Variants in FAF1 observed in about 807,000 individuals in gnomAD.
The protein encoded by FAF1 is FAS-associated factor 1.
FAF1 carries 25 observed loss-of-function variants against 92.5 expected under a neutral mutation model. That is an observed-to-expected ratio of 0.27 (90% CI 0.20 to 0.38). The LOEUF is 0.38. FAF1 is among the 10% of genes least tolerant of loss of function. The probability of loss-of-function intolerance (pLI) is 1.00; values close to 1 mark genes in which losing one functional copy is unlikely to be tolerated. For synonymous variants in FAF1, 234 were observed against 273.2 expected (o/e 0.86, Z 1.42); for missense variants, 636 against 793.3 (o/e 0.80, Z 2.38).
At chr1:50,728,470 G>C (rs1314421406) in intron 6 of FAF1, among the ~76,000 whole-genome samples, 1 of 152,086 alleles carries the variant, frequency 6.6e-6, no homozygotes, top group African/African-American at 2.4e-5. Context: ...TAAGGAACTT[G>C]GATTTTTATT....
chr1:50,916,974 G>GA (rs1279615463), intron 1 of FAF1, among the ~76,000 whole-genome samples: 1 of 152,132 alleles, frequency 6.6e-6, no homozygotes, highest in African/African-American at 2.4e-5. Context: ...GGCAATGAGA[G>GA]AAAGTTTCTG....
At chr1:50,584,596 A>T in intron 10 of FAF1, 89 bp downstream of exon 10, 1 of 1,281,408 alleles carries the variant, frequency 7.8e-7, no homozygotes, top group Non-Finnish European at 1.1e-6. Context: ...GGAGGTCAGT[A>T]AGAGATGTTT....
At chr1:50,652,732 C>T (rs1472704301) in intron 8 of FAF1, among the ~76,000 whole-genome samples, 1 of 152,196 alleles carries the variant, frequency 6.6e-6, no homozygotes, top group Non-Finnish European at 1.5e-5. Flanking sequence ...ACTCACTCTG[C>T]CACACATAGG....
At chr1:50,745,386 C>A (rs1409017961) in intron 4 of FAF1, among the ~76,000 whole-genome samples, 1 of 151,994 alleles carries the variant, frequency 6.6e-6, no homozygotes, top group Non-Finnish European at 1.5e-5. Context: ...AAGAGAAGAG[C>A]AACAAGAATT....
At chr1:50,951,095 G>T (rs1295919790) in intron 1 of FAF1, among the ~76,000 whole-genome samples, 1 of 152,216 alleles carries the variant, frequency 6.6e-6, no homozygotes, top group East Asian at 1.9e-4. Context: ...TTAGCTGGAT[G>T]TGGTGGCACA....
intron 9 of FAF1, among the ~76,000 whole-genome samples, chr1:50,595,142 C>A (rs1211505345): frequency 6.6e-6 from 1 of 151,904 alleles, no homozygotes; most frequent in East Asian, 2.0e-4. Flanking sequence ...ACAACCTCCA[C>A]CTCTTGGGTT....
chr1:50,873,706 G>C (rs1390558133), intron 1 of FAF1, among the ~76,000 whole-genome samples: 1 of 152,196 alleles, frequency 6.6e-6, no homozygotes, highest in Non-Finnish European at 1.5e-5. Context: ...GTAATTAAAA[G>C]TGGGTGTAAA....
At chr1:50,550,035 A>G (rs1649229982) in intron 13 of FAF1, among the ~76,000 whole-genome samples, 1 of 152,064 alleles carries the variant, frequency 6.6e-6, no homozygotes, top group Non-Finnish European at 1.5e-5. Context: ...GAAAACAACT[A>G]TCACCCTAAT....
chr1:50,514,066 G>A (rs879666230), intron 15 of FAF1, among the ~76,000 whole-genome samples: 6 of 152,172 alleles, frequency 3.9e-5, no homozygotes, highest in Non-Finnish European at 5.9e-5. Flanking sequence ...TGAATGAATT[G>A]TATGGGAAAA....
intron 4 of FAF1, among the ~76,000 whole-genome samples, chr1:50,779,993 C>G (rs1661110002): frequency 1.3e-5 from 1 of 78,132 alleles, no homozygotes; most frequent in South Asian, 3.5e-4. Flanking sequence ...GACAGACAGA[C>G]ACACACACAC....
At chr1:50,811,818 T>C (rs989805073) in intron 2 of FAF1, among the ~76,000 whole-genome samples, 3 of 152,142 alleles carry the variant, frequency 2.0e-5, no homozygotes, top group African/African-American at 7.2e-5. Context: ...CTTCAAACTA[T>C]ACCATAAAGC....
intron 4 of FAF1, among the ~76,000 whole-genome samples, chr1:50,770,474 A>C (rs1660739788): frequency 6.6e-6 from 1 of 152,230 alleles, no homozygotes; most frequent in African/African-American, 2.4e-5. Flanking sequence ...GTCCAAGCTG[A>C]GAGTCAATTC....
intron 8 of FAF1, among the ~76,000 whole-genome samples, chr1:50,622,932 A>C (rs956919190): frequency 3.3e-5 from 5 of 152,116 alleles, no homozygotes; most frequent in Admixed American, 1.3e-4. Context: ...TTATTCCTCA[A>C]ATCTTCCTCT....
At chr1:50,931,116 A>G (rs1371894863) in intron 1 of FAF1, among the ~76,000 whole-genome samples, 1 of 152,112 alleles carries the variant, frequency 6.6e-6, no homozygotes, top group Non-Finnish European at 1.5e-5. Context: ...ATCCAACCTG[A>G]TGGTCTCTAC....
chr1:50,562,428 G>A (rs982564950), intron 13 of FAF1, among the ~76,000 whole-genome samples: 1 of 151,988 alleles, frequency 6.6e-6, no homozygotes, highest in African/African-American at 2.4e-5. Context: ...CTGACCCTTT[G>A]TTCCCCATAC....
intron 5 of FAF1, among the ~76,000 whole-genome samples, chr1:50,739,534 T>C (rs1048932333): frequency 2.0e-5 from 3 of 152,136 alleles, no homozygotes; most frequent in African/African-American, 7.2e-5. Context: ...CACAAACAGA[T>C]AAGAACACAG....
At chr1:50,652,789 C>T (rs751062469) in intron 8 of FAF1, among the ~76,000 whole-genome samples, 2 of 152,168 alleles carry the variant, frequency 1.3e-5, no homozygotes, top group Non-Finnish European at 1.5e-5. Flanking sequence ...TTTAAACCAG[C>T]CAATTCTTGC....
chr1:50,850,777 T>C (rs1045495172), intron 2 of FAF1, among the ~76,000 whole-genome samples: 2 of 152,088 alleles, frequency 1.3e-5, no homozygotes, highest in African/African-American at 4.8e-5. Flanking sequence ...AATTATATTA[T>C]CATTAAATAG....
chr1:50,473,403 C>T (rs1377824377), intron 18 of FAF1, among the ~76,000 whole-genome samples: 1 of 152,014 alleles, frequency 6.6e-6, no homozygotes, highest in Non-Finnish European at 1.5e-5. Flanking sequence ...AAGATGAGAC[C>T]CGTTCAGAAA....
Sources: gnomAD v4.1 joint callset for allele counts (sites outside exome capture counted in the v4.1 genomes callset) on GRCh38, gnomAD v4.1.1 for gene constraint, MANE v1.5 for transcripts, NCBI Gene and HGNC (gene_info 2026-07-23, HGNC 2026-07-21) for gene names.